WDR33: variants seen among roughly 807,000 people sequenced by gnomAD.
WDR33 encodes the protein WD repeat domain 33, also known as pre-mRNA 3' end processing protein WDR33.
WDR33 carries 47 observed loss-of-function variants against 164.9 expected under a neutral mutation model. That is an observed-to-expected ratio of 0.29 (90% CI 0.23 to 0.36). The LOEUF (loss-of-function observed/expected upper bound fraction) is 0.36. Ranked by LOEUF, WDR33 falls within the 10% of genes least tolerant of loss-of-function variation. The probability of loss-of-function intolerance (pLI) is 1.00; values close to 1 mark genes in which losing one functional copy is unlikely to be tolerated. For synonymous variants in WDR33, 505 were observed against 589.0 expected (o/e 0.86, Z 2.06); for missense variants, 1,137 against 1,754.1 (o/e 0.65, Z 6.28).
intron 1 of WDR33, among the ~76,000 whole-genome samples, chr2:127,803,216 G>A (rs1370417580): frequency 6.6e-6 from 1 of 152,162 alleles, no homozygotes; most frequent in East Asian, 1.9e-4. Flanking sequence ...GTAAAATACT[G>A]GCATTATAAA....
rs561844978 is a variant in WDR33, at chr2:127,766,789, A to T, written c.378+1400T>A. ...AACAATGTTTCTTTTTTTTTTTTGA[A>T]ACAGAGTTTCGATCTTGTCGCCCAG... On this transcript the variant is annotated intron_variant, in intron 4 of 21. Coordinates refer to ENST00000322313, the MANE Select transcript of WDR33 (RefSeq NM_018383.5). 1.3e-3 allele frequency among the ~76,000 whole-genome samples: 192 copies of T among 151,256 alleles called. 4 individuals are homozygous for T. In the East Asian group the frequency reaches 0.034, roughly 27 times the overall value.
intron 18 of WDR33, among the ~76,000 whole-genome samples, chr2:127,711,781 T>TATATA (rs1491108798): frequency 3.2e-5 from 3 of 94,000 alleles, no homozygotes; most frequent in East Asian, 6.0e-4. Context: ...TATATATATA[T>TATATA]TTTTTTTTTG....
At chr2:127,800,510 G>A (rs190643700) in intron 1 of WDR33, among the ~76,000 whole-genome samples, 4 of 151,836 alleles carry the variant, frequency 2.6e-5, no homozygotes, top group South Asian at 2.1e-4. Flanking sequence ...GGTGGAGGGC[G>A]CCTGTAGTCC....
intron 1 of WDR33, among the ~76,000 whole-genome samples, chr2:127,777,265 A>G (rs1219160107): frequency 6.6e-6 from 1 of 152,196 alleles, no homozygotes; most frequent in African/African-American, 2.4e-5. Flanking sequence ...ACATGCATAC[A>G]CTGCCTCAGG....
chr2:127,711,588 T>G (rs1686163057), intron 18 of WDR33, among the ~76,000 whole-genome samples: 1 of 150,252 alleles, frequency 6.7e-6, no homozygotes, highest in Non-Finnish European at 1.5e-5. Flanking sequence ...TTAAAAACAC[T>G]GGGAGCCCTT....
chr2:127,754,518 GAGCAATCCTCCTGCCTC>G (rs1180544105), intron 7 of WDR33, among the ~76,000 whole-genome samples: 3 of 151,786 alleles, frequency 2.0e-5, no homozygotes, highest in Non-Finnish European at 4.4e-5. Flanking sequence ...TCCTAGACTC[GAGCAATCCTCCTGCCTC>G]AGCCTTCTGA....
chr2:127,775,411 A>C (rs1219516711), intron 1 of WDR33, among the ~76,000 whole-genome samples: 1 of 151,910 alleles, frequency 6.6e-6, no homozygotes, highest in Non-Finnish European at 1.5e-5. Context: ...CTAGTCTCAA[A>C]CTCCTGACCT....
At chr2:127,750,749 T>TATATATGTATACATAC (rs1313631552) in intron 7 of WDR33, among the ~76,000 whole-genome samples, 4 of 129,690 alleles carry the variant, frequency 3.1e-5, no homozygotes, top group African/African-American at 1.2e-4. Flanking sequence ...TGCATACATA[T>TATATATGTATACATAC]ATATGTATAC....
chr2:127,786,062 C>T (rs1051162305), intron 1 of WDR33, among the ~76,000 whole-genome samples: 8 of 152,150 alleles, frequency 5.3e-5, no homozygotes, highest in African/African-American at 1.9e-4. Flanking sequence ...TTGAGAGAGT[C>T]TCCCTCTGTC....
chr2:127,736,912 T>A, intron 7 of WDR33: 1 of 985,348 alleles, frequency 1.0e-6, no homozygotes, highest in Non-Finnish European at 1.2e-6. Flanking sequence ...AAAGGCTGTA[T>A]TTAGAAAAAT....
At position 127,701,782 on chromosome 2, in the gene WDR33, T is replaced by C. The variant is rs1219017784; in HGVS notation, c.*4541A>G. 2.8e-6 allele frequency: 4 copies of C among 1,437,358 alleles called. No homozygotes were observed. Among genetic ancestry groups the C allele is most frequent in the East Asian group, 6.3e-5 (2 of 31,926 alleles). The allele number at this position is 1,437,358 out of a possible 1,614,324, so 89.0% of individuals were successfully genotyped here. On this transcript the variant is annotated 3_prime_UTR_variant, in exon 22 of 22. Transcript: ENST00000322313. ...CTGGCGGCGGGCGGCGGGTGCCTGC[T>C]GCTGGCTGCACTGTGTTTCGGCCTA...
rs1558924360 is a variant in WDR33, at chr2:127,722,561, CG to C, written c.1518+29del. ...AAACTAACCAACCAAAACCTCTCTG[CG>C]TGGATGAGGTGGAGTCACTTTTACT... On this transcript the variant is annotated intron_variant, in intron 14 of 21. Coordinates refer to ENST00000322313, the MANE Select transcript of WDR33 (RefSeq NM_018383.5). This position sits in a 1 kb window ranked among gnomAD's most constrained non-coding sequence, Gnocchi z 5.1. 1 of 1,606,344 alleles carries C rather than the reference CG, an allele frequency of 6.2e-7. No individual in the cohort carries two copies. The highest frequency in any genetic ancestry group is 2.2e-5 in the East Asian group (1 of 44,722).
chr2:127,805,710 G>A (rs929860752), intron 1 of WDR33, among the ~76,000 whole-genome samples: 3 of 152,136 alleles, frequency 2.0e-5, no homozygotes, highest in East Asian at 1.9e-4. Context: ...GAAAAGGAAC[G>A]AAAGAAACAC....
rs1225353415 is a variant in WDR33, at chr2:127,703,340, T to C, written c.*2983A>G. On this transcript the variant is annotated 3_prime_UTR_variant, in exon 22 of 22. Transcript: ENST00000322313. ...CCAAGTGATTCTACGTTCCCCAAGT[T>C]TGAGGACCACTTTTCTGTGCATTGG... is the stretch of plus-strand genomic sequence containing the variant. 1.2e-5 allele frequency: 2 copies of C among 167,042 alleles called. No individual in the cohort carries two copies. The highest frequency in any genetic ancestry group is 4.8e-5 in the African/African-American group (2 of 41,432). 10.3% of individuals were successfully genotyped at this position (167,042 alleles called of 1,614,324 possible).
At chr2:127,785,801 T>G (rs1688544102) in intron 1 of WDR33, among the ~76,000 whole-genome samples, 1 of 152,236 alleles carries the variant, frequency 6.6e-6, no homozygotes, top group East Asian at 1.9e-4. Context: ...TGCACGTTTT[T>G]GGGTAGATGT....
chr2:127,714,324 A>G lies in WDR33; in HGVS notation c.2870-303T>C, dbSNP rs976886698. Among the ~76,000 whole-genome samples the G allele has an allele frequency of 6.6e-6, 1 of 152,252 alleles. No homozygotes were observed. The highest frequency in any genetic ancestry group is 2.4e-5 in the African/African-American group (1 of 41,466). Reference sequence around the variant, plus strand: ...AAAATGAGAGAGCCTCCTGGGCTTCAGAAGGAGCTTCCTTTGTCTGCCCCT... The same window carrying G: ...AAAATGAGAGAGCCTCCTGGGCTTCGGAAGGAGCTTCCTTTGTCTGCCCCT... On this transcript the variant is annotated intron_variant, in intron 17 of 21. Coordinates refer to ENST00000322313, the MANE Select transcript of WDR33 (RefSeq NM_018383.5). The surrounding 1 kb of genome is among the most constrained non-coding windows in gnomAD (Gnocchi z 4.3).
At chr2:127,781,702 A>T (rs1305741543) in intron 1 of WDR33, among the ~76,000 whole-genome samples, 1 of 152,202 alleles carries the variant, frequency 6.6e-6, no homozygotes. Context: ...TGGTTAAAAA[A>T]AAAATCCATG....
chr2:127,732,497 T>A (rs1301085284), intron 7 of WDR33, among the ~76,000 whole-genome samples: 1 of 152,144 alleles, frequency 6.6e-6, no homozygotes, highest in Non-Finnish European at 1.5e-5. Flanking sequence ...AATTTTTTAA[T>A]TTTTTGTAGA....
chr2:127,732,415 G>A (rs1485623380), intron 7 of WDR33, among the ~76,000 whole-genome samples: 1 of 151,826 alleles, frequency 6.6e-6, no homozygotes, highest in Non-Finnish European at 1.5e-5. Context: ...TCTGACTCCT[G>A]GGCTCAAATA....
Sources: gnomAD v4.1 joint callset for allele counts (sites outside exome capture counted in the v4.1 genomes callset) on GRCh38, gnomAD v4.1.1 for gene constraint, Gnocchi (gnomAD v3.1) non-coding constraint, MANE v1.5 for transcripts, NCBI Gene and HGNC (gene_info 2026-07-23, HGNC 2026-07-21) for gene names.